The following INPP5A variants were observed in gnomAD, a reference collection of about 807,000 sequenced individuals.
INPP5A encodes the protein 43 kDa inositol polyphosphate 5-phophatase.
In INPP5A, 14 loss-of-function variants were observed where a neutral mutation model predicts 65.2. The observed-to-expected ratio is 0.21, with a 90% CI of 0.14 to 0.34. The LOEUF (loss-of-function observed/expected upper bound fraction) is 0.34. INPP5A is among the 10% of genes least tolerant of loss of function. The pLI is 1.00. For synonymous variants in INPP5A, 207 were observed against 208.3 expected (o/e 0.99, Z 0.05); for missense variants, 431 against 545.6 (o/e 0.79, Z 2.09).
At position 132,555,812 on chromosome 10, in the gene INPP5A, C is replaced by T. The variant is rs981138268; in HGVS notation, c.75+17641C>T. On this transcript the variant is annotated intron_variant, in intron 1 of 15. Transcript: ENST00000368594. This position sits in a 1 kb window ranked among gnomAD's most constrained non-coding sequence, Gnocchi z 4.4. The stretch of plus-strand genomic sequence containing the variant: ...CCTCAGCACGTGTGGTCTGCACAGA[C>T]AGACCAGGGGGTGACTTCAGCGTTT... Among the ~76,000 whole-genome samples the T allele has an allele frequency of 6.6e-6, 1 of 152,232 alleles. No individual in the cohort carries two copies. The highest frequency in any genetic ancestry group is 1.5e-5 in the Non-Finnish European group (1 of 68,046).
intron 10 of INPP5A, 48 bp downstream of exon 10, chr10:132,749,660 G>A (rs1564998122): frequency 6.2e-7 from 1 of 1,600,658 alleles, no homozygotes; most frequent in Non-Finnish European, 8.6e-7. Context: ...GCCTGCGCAG[G>A]ACTCTGCAGC....
chr10:132,761,851 C>T (rs540083118), intron 11 of INPP5A, among the ~76,000 whole-genome samples: 35 of 151,976 alleles, frequency 2.3e-4, no homozygotes, highest in Admixed American at 4.6e-4. Flanking sequence ...CAGGACAGAC[C>T]GTCAATAATG....
intron 2 of INPP5A, among the ~76,000 whole-genome samples, chr10:132,630,472 G>T (rs1414291929): frequency 6.6e-6 from 1 of 151,982 alleles, no homozygotes; most frequent in Non-Finnish European, 1.5e-5. Context: ...AAGCTCTAGG[G>T]AAAGGCATAC....
chr10:132,604,514 T>C (rs973910228), intron 1 of INPP5A, among the ~76,000 whole-genome samples: 1 of 152,150 alleles, frequency 6.6e-6, no homozygotes, highest in East Asian at 1.9e-4. Context: ...TTGGTGAGGT[T>C]TGGGGGGAAA....
intron 1 of INPP5A, among the ~76,000 whole-genome samples, chr10:132,562,902 G>A (rs1355674630): frequency 6.6e-6 from 1 of 152,192 alleles, no homozygotes; most frequent in Non-Finnish European, 1.5e-5. Flanking sequence ...CCCTGCTCTG[G>A]TATCTCAGGT....
At chr10:132,777,587 G>T in intron 12 of INPP5A, 84 bp from the exon 13 acceptor site, 2 of 1,217,030 alleles carry the variant, frequency 1.6e-6, no homozygotes, top group South Asian at 1.4e-5. Context: ...AAGGTGTATT[G>T]GGAGAGAATC....
At chr10:132,695,235 G>A (rs542109034) in intron 5 of INPP5A, among the ~76,000 whole-genome samples, 1 of 151,874 alleles carries the variant, frequency 6.6e-6, no homozygotes, top group Non-Finnish European at 1.5e-5. Flanking sequence ...GCAGGCAAAA[G>A]AAGGAAAATC....
chr10:132,574,677 G>A (rs2071393882), intron 1 of INPP5A, among the ~76,000 whole-genome samples: 1 of 137,992 alleles, frequency 7.2e-6, no homozygotes, highest in African/African-American at 2.8e-5. Flanking sequence ...TTTATTTTTT[G>A]TAGAGATGGG....
chr10:132,764,528 T>C (rs113112041), intron 11 of INPP5A, among the ~76,000 whole-genome samples: 45 of 95,156 alleles, frequency 4.7e-4, no homozygotes, highest in Admixed American at 8.3e-4. Context: ...AGGAACACGG[T>C]CGGGCCAGTC....
chr10:132,650,592 T>C lies in INPP5A; in HGVS notation c.306+87T>C. ...CTTCTCCTGTGTAAATGGAGAGAGG[T>C]CGGGGTGCTCCCTGCCTGAAGCCTC... On this transcript the variant is annotated intron_variant, in intron 4 of 15. Transcript: ENST00000368594. The surrounding 1 kb of genome is among the most constrained non-coding windows in gnomAD (Gnocchi z 5.5). 1.1e-6 allele frequency: 1 copy of C among 936,714 alleles called. No individual in the cohort carries two copies. The highest frequency in any genetic ancestry group is 1.3e-5 in the South Asian group (1 of 75,514). 58.0% of individuals were successfully genotyped at this position (936,714 alleles called of 1,614,324 possible). A position where few individuals can be genotyped will look rare whatever the true frequency, so the allele number is the denominator to read the frequency against.
chr10:132,703,557 CCA>C (rs1170063634), intron 6 of INPP5A, among the ~76,000 whole-genome samples: 9 of 148,324 alleles, frequency 6.1e-5, no homozygotes, highest in African/African-American at 1.0e-4. Flanking sequence ...GTGGCTTCAC[CCA>C]CACACACACG....
intron 1 of INPP5A, among the ~76,000 whole-genome samples, chr10:132,581,191 G>T (rs529495796): frequency 6.6e-6 from 1 of 152,256 alleles, no homozygotes; most frequent in African/African-American, 2.4e-5. Context: ...CCGAACCAGA[G>T]GTTTGTTCCT....
At position 132,689,243 on chromosome 10, in the gene INPP5A, C is replaced by T. The variant is rs144140478; in HGVS notation, c.307-1149C>T. The stretch of plus-strand genomic sequence containing the variant: ...GAGTTGGGGTTAGAGCCCCCAGTGG[C>T]TCAGAGTCTCTTCCCTGTGGAAGGC... On this transcript the variant is annotated intron_variant, in intron 4 of 15. Coordinates refer to ENST00000368594, the MANE Select transcript of INPP5A (RefSeq NM_005539.5). 2.1e-3 allele frequency among the ~76,000 whole-genome samples: 318 copies of T among 152,296 alleles called. 4 individuals are homozygous for T. Among genetic ancestry groups the T allele is most frequent in the African/African-American group, 6.3e-3 (260 of 41,574 alleles).
At chr10:132,630,605 A>G in intron 2 of INPP5A, among the ~76,000 whole-genome samples, 1 of 147,582 alleles carries the variant, frequency 6.8e-6, no homozygotes, top group African/African-American at 2.5e-5. Context: ...GACGTCCATG[A>G]GGGGAAGACA....
chr10:132,717,997 C>T (rs1003861980), intron 8 of INPP5A, among the ~76,000 whole-genome samples: 1 of 141,092 alleles, frequency 7.1e-6, no homozygotes, highest in Non-Finnish European at 1.5e-5. Flanking sequence ...AGACAGCTGT[C>T]TTCAGGGTTC....
intron 4 of INPP5A, among the ~76,000 whole-genome samples, chr10:132,667,939 T>C (rs2133428978): frequency 6.6e-6 from 1 of 152,314 alleles, no homozygotes; most frequent in Non-Finnish European, 1.5e-5. Flanking sequence ...TCTCCAGTGA[T>C]TCATCCGCCT....
intron 2 of INPP5A, among the ~76,000 whole-genome samples, chr10:132,614,653 C>T (rs1239321982): frequency 1.3e-5 from 2 of 152,230 alleles, no homozygotes; most frequent in African/African-American, 4.8e-5. Flanking sequence ...CAGGAGCCAG[C>T]CCCCGCTGCT....
At chr10:132,722,755 CAGAG>C (rs922194531) in intron 8 of INPP5A, among the ~76,000 whole-genome samples, 1 of 152,222 alleles carries the variant, frequency 6.6e-6, no homozygotes, top group Non-Finnish European at 1.5e-5. Flanking sequence ...CTTGTCAAAA[CAGAG>C]AGAGACACCC....
At chr10:132,570,271 T>G (rs375985501) in intron 1 of INPP5A, among the ~76,000 whole-genome samples, 4 of 152,340 alleles carry the variant, frequency 2.6e-5, no homozygotes, top group African/African-American at 9.6e-5. Flanking sequence ...TGACTGCACG[T>G]TTGCCTTGAG....
Sources: gnomAD v4.1 joint callset for allele counts (sites outside exome capture counted in the v4.1 genomes callset) on GRCh38, gnomAD v4.1.1 for gene constraint, Gnocchi (gnomAD v3.1) non-coding constraint, MANE v1.5 for transcripts, NCBI Gene and HGNC (gene_info 2026-07-23, HGNC 2026-07-21) for gene names.